The following GRIK2 variants were observed in gnomAD, a reference collection of about 807,000 sequenced individuals.
The protein encoded by GRIK2 is glutamate receptor ionotropic, kainate 2.
GRIK2 carries 32 observed loss-of-function variants against 100.3 expected under a neutral mutation model. The observed-to-expected ratio is 0.32, with a 90% CI of 0.24 to 0.43. The LOEUF is 0.43. GRIK2 is among the 20% of genes least tolerant of loss of function. The pLI, the probability that GRIK2 is intolerant of heterozygous loss-of-function variation, is 1.00. For missense variants in GRIK2, 843 were observed against 1,114.9 expected (o/e 0.76, Z 3.47); for synonymous variants, 417 against 389.4 (o/e 1.07, Z -0.83).
chr6:101,467,190 A>C (rs972448455), intron 2 of GRIK2, among the ~76,000 whole-genome samples: 1 of 152,194 alleles, frequency 6.6e-6, no homozygotes, highest in Non-Finnish European at 1.5e-5. Context: ...GAAATTGAAT[A>C]ATTTCTGGAC....
intron 7 of GRIK2, among the ~76,000 whole-genome samples, chr6:101,798,015 A>G (rs1345256039): frequency 1.4e-5 from 2 of 147,202 alleles, no homozygotes; most frequent in Non-Finnish European, 3.0e-5. Context: ...AAATTTCCCT[A>G]TTTTGGTCAT....
chr6:101,482,568 G>A (rs1405992983), intron 2 of GRIK2, among the ~76,000 whole-genome samples: 7 of 152,154 alleles, frequency 4.6e-5, no homozygotes, highest in Non-Finnish European at 8.8e-5. Flanking sequence ...TGTGTTATCA[G>A]AGCAAATCTA....
At chr6:101,479,941 G>A (rs896882280) in intron 2 of GRIK2, among the ~76,000 whole-genome samples, 3 of 151,976 alleles carry the variant, frequency 2.0e-5, no homozygotes, top group Non-Finnish European at 2.9e-5. Flanking sequence ...TATTTAATAG[G>A]GAGAAGAGTG....
rs1770991718 is a variant in GRIK2 at position 101,456,038 on chromosome 6, A to G, written c.115+56646A>G. ...GATTCATGAACTTGATCTGGAACAC[A>G]AAAAGCTTCTAATAATGGGCAGGTC... On this transcript the variant is annotated intron_variant, in intron 2 of 16. Transcript: ENST00000369134. Among the ~76,000 whole-genome samples the G allele has an allele frequency of 1.3e-5, 2 of 151,926 alleles. 1 individual carries two copies. Among genetic ancestry groups the G allele is most frequent in the South Asian group, 4.2e-4 (2 of 4,806 alleles).
chr6:101,440,915 C>G (rs1456883417), intron 2 of GRIK2, among the ~76,000 whole-genome samples: 1 of 149,640 alleles, frequency 6.7e-6, no homozygotes, highest in Non-Finnish European at 1.5e-5. Context: ...TTTTTGTTTA[C>G]TGAAGATTAC....
At chr6:102,056,678 C>T (rs552503182) in intron 16 of GRIK2, among the ~76,000 whole-genome samples, 2 of 151,690 alleles carry the variant, frequency 1.3e-5, no homozygotes, top group African/African-American at 4.8e-5. Context: ...TTCTAATATT[C>T]TTTGAAGTGT....
intron 10 of GRIK2, among the ~76,000 whole-genome samples, chr6:101,839,122 A>G (rs1783337660): frequency 6.6e-6 from 1 of 152,036 alleles, no homozygotes; most frequent in African/African-American, 2.4e-5. Flanking sequence ...TTTTTTGTAC[A>G]TATCTGAATT....
chr6:101,880,856 C>T (rs1786194270), intron 11 of GRIK2, among the ~76,000 whole-genome samples: 1 of 151,872 alleles, frequency 6.6e-6, no homozygotes, highest in Non-Finnish European at 1.5e-5. Context: ...TCAGAGATTC[C>T]ATCTGAATTG....
intron 7 of GRIK2, among the ~76,000 whole-genome samples, chr6:101,775,713 T>C (rs1778702742): frequency 6.6e-6 from 1 of 151,752 alleles, no homozygotes; most frequent in Admixed American, 6.6e-5. Flanking sequence ...ATTCTAGCTG[T>C]ATGGCAAAGT....
At chr6:101,690,201 G>A (rs1022065610) in intron 7 of GRIK2, among the ~76,000 whole-genome samples, 8 of 151,942 alleles carry the variant, frequency 5.3e-5, no homozygotes, top group South Asian at 2.1e-4. Context: ...AATCCATTCA[G>A]TAGCTTAATT....
chr6:101,626,314 T>C (rs961968697), intron 3 of GRIK2, 66 bp from the exon 4 acceptor site: 23 of 1,337,124 alleles, frequency 1.7e-5, no homozygotes, highest in Admixed American at 2.2e-5. Context: ...AAAATAATAA[T>C]GTGGTATCTG....
intron 14 of GRIK2, among the ~76,000 whole-genome samples, chr6:102,007,011 T>C (rs1795277123): frequency 6.6e-6 from 1 of 152,176 alleles, no homozygotes; most frequent in Non-Finnish European, 1.5e-5. Flanking sequence ...AAAATTAATG[T>C]ATATTTTTAA....
chr6:101,586,155 AG>A (rs1378993820), intron 2 of GRIK2, among the ~76,000 whole-genome samples: 1 of 152,002 alleles, frequency 6.6e-6, no homozygotes, highest in African/African-American at 2.4e-5. Context: ...AAGAAGCAAT[AG>A]GTCAGTGTAG....
chr6:102,010,550 A>AT (rs1380338007), intron 14 of GRIK2, among the ~76,000 whole-genome samples: 24 of 151,568 alleles, frequency 1.6e-4, no homozygotes, highest in Non-Finnish European at 2.8e-4. Flanking sequence ...TGCCCAGCTA[A>AT]TTTTTTTGTA....
intron 7 of GRIK2, among the ~76,000 whole-genome samples, chr6:101,791,665 T>C (rs945933631): frequency 1.3e-5 from 2 of 152,118 alleles, no homozygotes; most frequent in Non-Finnish European, 2.9e-5. Flanking sequence ...GGTGTGGTGC[T>C]GAAAAAATGT....
At chr6:101,433,305 A>C (rs1007464687) in intron 2 of GRIK2, among the ~76,000 whole-genome samples, 1 of 152,208 alleles carries the variant, frequency 6.6e-6, no homozygotes, top group African/African-American at 2.4e-5. Context: ...GGACTGAATC[A>C]ACTAACTTCT....
chr6:101,851,277 C>T (rs1236773068), intron 10 of GRIK2, among the ~76,000 whole-genome samples: 1 of 151,836 alleles, frequency 6.6e-6, no homozygotes, highest in African/African-American at 2.4e-5. Context: ...AGGTAGGAGG[C>T]TAGTAGGACA....
chr6:101,711,510 A>C (rs927794449), intron 7 of GRIK2, among the ~76,000 whole-genome samples: 2 of 151,818 alleles, frequency 1.3e-5, no homozygotes, highest in Non-Finnish European at 2.9e-5. Context: ...TCTATAATGC[A>C]ATACTTCGTA....
intron 2 of GRIK2, among the ~76,000 whole-genome samples, chr6:101,428,910 T>C (rs1392972953): frequency 6.6e-6 from 1 of 152,220 alleles, no homozygotes; most frequent in Non-Finnish European, 1.5e-5. Context: ...TTTATCATTG[T>C]TCTTTCTCCT....
Sources: gnomAD v4.1 joint callset for allele counts (sites outside exome capture counted in the v4.1 genomes callset) on GRCh38, gnomAD v4.1.1 for gene constraint, MANE v1.5 for transcripts, NCBI Gene and HGNC (gene_info 2026-07-23, HGNC 2026-07-21) for gene names.